CNGA1: variants seen among roughly 807,000 people sequenced by gnomAD.
CNGA1 encodes cyclic nucleotide gated channel subunit alpha 1, also known as cyclic nucleotide-gated channel alpha-1.
CNGA1 carries 53 observed loss-of-function variants against 69.7 expected under a neutral mutation model. The observed-to-expected ratio is 0.76, with a 90% confidence interval of 0.61 to 0.96. The LOEUF is 0.96. Ranked by LOEUF, CNGA1 falls within the 40% of genes least tolerant of loss-of-function variation. The pLI, the probability that CNGA1 is intolerant of heterozygous loss-of-function variation, is 0.00. For missense variants in CNGA1, 739 were observed against 811.2 expected, an observed-to-expected ratio of 0.91 and a Z score of 1.08; for synonymous variants, 249 against 283.5, an observed-to-expected ratio of 0.88 and a Z score of 1.22.
intron 2 of CNGA1, among the ~76,000 whole-genome samples, chr4:48,000,349 A>G (rs1714612402): frequency 6.6e-6 from 1 of 151,868 alleles, no homozygotes; most frequent in Admixed American, 6.6e-5. Flanking sequence ...CAAAGCAAAT[A>G]AAAGCCCAAT....
chr4:47,986,505 C>T (rs1316947354), intron 2 of CNGA1, among the ~76,000 whole-genome samples: 1 of 151,660 alleles, frequency 6.6e-6, no homozygotes, highest in Non-Finnish European at 1.5e-5. Flanking sequence ...AATTTATTTT[C>T]AATTTTCATT....
intron 2 of CNGA1, among the ~76,000 whole-genome samples, chr4:47,984,414 T>G (rs1284073611): frequency 6.6e-6 from 1 of 151,990 alleles, no homozygotes; most frequent in Non-Finnish European, 1.5e-5. Flanking sequence ...GGTCAGAATT[T>G]TGAGACCAGC....
At chr4:47,967,539 C>CA (rs1290298546) in intron 3 of CNGA1, among the ~76,000 whole-genome samples, 2 of 151,876 alleles carry the variant, frequency 1.3e-5, no homozygotes, top group Non-Finnish European at 1.5e-5. Flanking sequence ...TGTATGTAGT[C>CA]AACCATAAAA....
At chr4:47,971,118 A>G in intron 3 of CNGA1, 1 of 453,428 alleles carries the variant, frequency 2.2e-6, no homozygotes, top group South Asian at 1.6e-5. Context: ...AAAAAAATAC[A>G]GTATGCTACC....
chr4:47,979,482 C>G (rs1430108406), intron 3 of CNGA1, among the ~76,000 whole-genome samples: 1 of 152,160 alleles, frequency 6.6e-6, no homozygotes, highest in East Asian at 1.9e-4. Context: ...ATACCACATA[C>G]TATCACCTGA....
At chr4:47,966,176 A>C (rs999349300) in intron 3 of CNGA1, among the ~76,000 whole-genome samples, 5 of 152,214 alleles carry the variant, frequency 3.3e-5, no homozygotes, top group Non-Finnish European at 5.9e-5. Flanking sequence ...TGAACTGTGA[A>C]TACATGGAAC....
At chr4:47,943,653 G>T (rs11940319) in intron 6 of CNGA1, among the ~76,000 whole-genome samples, 50,374 of 151,988 alleles carry the variant, frequency 0.33, 9,886 homozygotes, top group Non-Finnish European at 0.44. Flanking sequence ...AAATGGAGAT[G>T]AATAAAGGCA....
chr4:48,006,879 T>C (rs890581362), intron 2 of CNGA1, among the ~76,000 whole-genome samples: 1 of 152,070 alleles, frequency 6.6e-6, no homozygotes, highest in Non-Finnish European at 1.5e-5. Flanking sequence ...CTCCTTGGCC[T>C]CCCAAAATGC....
At chr4:47,954,116 C>G (rs932933126) in intron 3 of CNGA1, among the ~76,000 whole-genome samples, 11 of 152,020 alleles carry the variant, frequency 7.2e-5, no homozygotes, top group African/African-American at 2.7e-4. Context: ...TGGTGGAGAG[C>G]AGCAGAGCAG....
intron 3 of CNGA1, among the ~76,000 whole-genome samples, chr4:47,957,868 A>C (rs553764818): frequency 1.3e-5 from 2 of 151,480 alleles, no homozygotes; most frequent in African/African-American, 4.8e-5. Flanking sequence ...GCATTTGATA[A>C]TGTATCAGAT....
At chr4:47,969,910 A>C (rs11722611) in intron 3 of CNGA1, among the ~76,000 whole-genome samples, 80,570 of 152,040 alleles carry the variant, frequency 0.53, 23,090 homozygotes, top group Non-Finnish European at 0.64. Context: ...ATGAATACAG[A>C]TATTAACAAA....
intron 3 of CNGA1, among the ~76,000 whole-genome samples, chr4:47,978,335 G>T (rs1741524384): frequency 6.6e-6 from 1 of 151,960 alleles, no homozygotes; most frequent in Non-Finnish European, 1.5e-5. Context: ...CATGACAAGG[G>T]ATGTCTTCTC....
At chr4:48,005,325 C>T (rs976640094) in intron 2 of CNGA1, among the ~76,000 whole-genome samples, 1 of 151,908 alleles carries the variant, frequency 6.6e-6, no homozygotes, top group Non-Finnish European at 1.5e-5. Context: ...TCCATCTTGG[C>T]CAGGCTGGTC....
At position 47,952,581 on chromosome 4, in the gene CNGA1, A is replaced by C. The variant is rs764086464; in HGVS notation, c.107+2T>G. 3 of 1,612,660 alleles carry C rather than the reference A, an allele frequency of 1.9e-6. No individual in the cohort carries two copies. The highest frequency in any genetic ancestry group is 2.5e-6 in the Non-Finnish European group (3 of 1,179,066). On this transcript the variant is annotated splice_donor_variant, in intron 4 of 10. Transcript: ENST00000514170. LOFTEE classifies it high-confidence loss of function. ...AATGCATGGGAAAATGTTTGGATTTACCTGCATGCTCCATTTTCCATCCTT... is the reference window on the plus strand; with the variant it reads ...AATGCATGGGAAAATGTTTGGATTTCCCTGCATGCTCCATTTTCCATCCTT...
At position 47,937,392 on chromosome 4, in the gene CNGA1, G is replaced by T; in HGVS notation, c.1090C>A (p.Pro364Thr). The change falls in exon 11 of 11, where the codon CCT becomes ACT. Residue 364 changes from proline (P) to threonine (T), a missense_variant. Pro to Thr is a conservative substitution (Grantham distance 38). Coordinates refer to ENST00000514170, the MANE Select transcript of CNGA1 (RefSeq NM_001379270.1). ...LTLTTIGETP[P>T]PVRDSEYVFV... is the part of the protein sequence containing the mutation. ...ACATACTCAGAATCCCTCACGGGAG[G>T]GGGTGTTTCACCAATGGTAGTCAAA... 6.2e-7 allele frequency: 1 copy of T among 1,614,094 alleles called. No individual in the cohort carries two copies. Among genetic ancestry groups the T allele is most frequent in the Non-Finnish European group, 8.5e-7 (1 of 1,180,028 alleles).
Position 47,976,281 on chromosome 4 carries a change from G to GTA in CNGA1, c.-15+5110_-15+5111dup, listed in dbSNP as rs368666449. On this transcript the variant is annotated intron_variant, in intron 3 of 10. Coordinates refer to ENST00000514170, the MANE Select transcript of CNGA1 (RefSeq NM_001379270.1). ...CATACATATATATATACATATATAT[G>GTA]TATATATATATATACACATACATAT... Among the ~76,000 whole-genome samples, 328 of 55,442 alleles carry GTA rather than the reference G, an allele frequency of 5.9e-3. 63 individuals carry two copies. Among genetic ancestry groups the GTA allele is most frequent in the African/African-American group, 0.025 (314 of 12,580 alleles). The allele number at this position is 55,442 out of a possible 152,430, so 36.4% of individuals were successfully genotyped here. A position where few individuals can be genotyped will look rare whatever the true frequency, so the allele number is the denominator to read the frequency against.
chr4:48,011,674 A>G (rs1325299713), intron 1 of CNGA1, among the ~76,000 whole-genome samples: 1 of 152,226 alleles, frequency 6.6e-6, no homozygotes, highest in Non-Finnish European at 1.5e-5. Flanking sequence ...GAGAGGCACA[A>G]GACATCAATT....
intron 3 of CNGA1, chr4:47,970,833 GA>G (rs11292902): frequency 0.58 from 260,858 of 452,118 alleles, 78,462 homozygotes; most frequent in Non-Finnish European, 0.64. Flanking sequence ...TTTTTGGAAG[GA>G]AAAAAAAGGT....
In CNGA1 at chr4:47,948,763, T is replaced by C. The variant is rs569114631; in HGVS notation, c.287+1070A>G. Among the ~76,000 whole-genome samples, 189 of 152,292 alleles carry C rather than the reference T, an allele frequency of 1.2e-3. 1 individual carries two copies. Among genetic ancestry groups the C allele is most frequent in the Non-Finnish European group, 2.1e-3 (145 of 68,020 alleles). On this transcript the variant is annotated intron_variant, in intron 6 of 10. Transcript: ENST00000514170. ...TTTCCAGCCCAGTTTTGGTGGTAAA[T>C]GGGCAAGTACTGTAGCCATGACTCA...
Sources: gnomAD v4.1 joint callset for allele counts (sites outside exome capture counted in the v4.1 genomes callset) on GRCh38, gnomAD v4.1.1 for gene constraint, MANE v1.5 for transcripts, NCBI Gene and HGNC (gene_info 2026-07-23, HGNC 2026-07-21) for gene names.